MICAL2: variants seen among roughly 807,000 people sequenced by gnomAD.
The protein encoded by MICAL2 is [F-actin]-monooxygenase MICAL2.
Under a neutral mutation model 127.3 loss-of-function variants are expected in MICAL2, and 77 were observed. That is an observed-to-expected ratio of 0.60 (90% CI 0.50 to 0.73). The LOEUF (loss-of-function observed/expected upper bound fraction) is 0.73, where lower values mean the gene tolerates loss of function less well. Among genes scored for constraint, MICAL2 ranks in the 30% least tolerant of loss-of-function variants. MICAL2 has a pLI of 0.00. For synonymous variants in MICAL2, 570 were observed against 551.1 expected (o/e 1.03, Z -0.48); for missense variants, 1,351 against 1,434.4 (o/e 0.94, Z 0.94).
chr11:12,178,263 C>G (rs1247460126), intron 3 of MICAL2, among the ~76,000 whole-genome samples: 1 of 152,132 alleles, frequency 6.6e-6, no homozygotes, highest in African/African-American at 2.4e-5. Flanking sequence ...TGACAAAAAA[C>G]AAAGAACAAA....
chr11:12,232,133 C>A (rs1009338284), intron 15 of MICAL2, among the ~76,000 whole-genome samples: 3 of 152,204 alleles, frequency 2.0e-5, no homozygotes, highest in African/African-American at 7.2e-5. Flanking sequence ...AATGATAGTT[C>A]TTTTCCTTTA....
chr11:12,319,105 C>T (rs1189236921), intron 29 of MICAL2, among the ~76,000 whole-genome samples: 2 of 152,138 alleles, frequency 1.3e-5, no homozygotes, highest in Non-Finnish European at 2.9e-5. Flanking sequence ...GTGATAAAAC[C>T]TTAGGCTTAG....
chr11:12,200,745 G>T (rs925007726), intron 3 of MICAL2, among the ~76,000 whole-genome samples: 3 of 152,210 alleles, frequency 2.0e-5, no homozygotes, highest in Non-Finnish European at 4.4e-5. Flanking sequence ...GGGATTTTAG[G>T]TTTAGCCAAG....
chr11:12,186,805 C>T (rs936889083), intron 3 of MICAL2, among the ~76,000 whole-genome samples: 7 of 152,166 alleles, frequency 4.6e-5, no homozygotes, highest in East Asian at 1.9e-4. Context: ...CAGACATCAG[C>T]GGCAGGGAGG....
At chr11:12,203,056 C>T (rs1854224485) in intron 3 of MICAL2, among the ~76,000 whole-genome samples, 1 of 152,156 alleles carries the variant, frequency 6.6e-6, no homozygotes, top group African/African-American at 2.4e-5. Context: ...GTTTCTTTCA[C>T]TTAGCACAGT....
intron 8 of MICAL2, 153 bp downstream of exon 8, chr11:12,216,472 A>G (rs1442865998): frequency 9.4e-6 from 6 of 640,422 alleles, no homozygotes; most frequent in East Asian, 2.7e-5. Context: ...TTGGTGTTAC[A>G]TGAGTATTGG....
chr11:12,180,384 C>T (rs1437959548), intron 3 of MICAL2, among the ~76,000 whole-genome samples: 1 of 148,188 alleles, frequency 6.7e-6, no homozygotes, highest in East Asian at 2.0e-4. Context: ...CCATGAAGGG[C>T]ATACCACTGG....
At chr11:12,200,882 A>T (rs1860628945) in intron 3 of MICAL2, among the ~76,000 whole-genome samples, 1 of 152,170 alleles carries the variant, frequency 6.6e-6, no homozygotes, top group Admixed American at 6.5e-5. Context: ...GGACAGAAGG[A>T]TGCAGGGGGC....
At chr11:12,194,934 A>T (rs1252492452) in intron 3 of MICAL2, among the ~76,000 whole-genome samples, 1 of 152,218 alleles carries the variant, frequency 6.6e-6, no homozygotes, top group Non-Finnish European at 1.5e-5. Context: ...CAGTAGGAAA[A>T]AAGAGTATGT....
intron 33 of MICAL2, among the ~76,000 whole-genome samples, chr11:12,350,816 G>C (rs1939031599): frequency 6.6e-6 from 1 of 152,150 alleles, no homozygotes; most frequent in Non-Finnish European, 1.5e-5. Flanking sequence ...CCACAGACTG[G>C]ATGGCTTACA....
chr11:12,221,607 C>A (rs759026479), intron 9 of MICAL2, 37 bp from the exon 10 acceptor site: 1 of 1,449,388 alleles, frequency 6.9e-7, no homozygotes, highest in South Asian at 1.2e-5. Flanking sequence ...CGGGAGTCAT[C>A]AGAATCAACT....
chr11:12,329,815 C>T (rs1864394107), intron 32 of MICAL2, among the ~76,000 whole-genome samples: 2 of 144,168 alleles, frequency 1.4e-5, no homozygotes, highest in South Asian at 4.3e-4. Context: ...ATGATAGAAA[C>T]CAAAATTGTA....
chr11:12,325,454 G>T (rs944707045), intron 31 of MICAL2, among the ~76,000 whole-genome samples: 3 of 152,096 alleles, frequency 2.0e-5, no homozygotes, highest in Non-Finnish European at 4.4e-5. Flanking sequence ...GTCTGCTTGG[G>T]CTGCCATAAC....
intron 29 of MICAL2, among the ~76,000 whole-genome samples, chr11:12,315,776 G>A (rs4756832): frequency 0.43 from 65,195 of 151,996 alleles, 16,395 homozygotes; most frequent in Non-Finnish European, 0.57. Context: ...TGTACAAGTC[G>A]CATACTCTTA....
At chr11:12,121,220 G>A (rs1035608121) in intron 1 of MICAL2, among the ~76,000 whole-genome samples, 2 of 152,144 alleles carry the variant, frequency 1.3e-5, no homozygotes, top group South Asian at 2.1e-4. Flanking sequence ...ACCTCGCTGC[G>A]GGCTAAGCTC....
At chr11:12,294,792 A>G, downstream of MICAL2, 3 of 1,527,886 alleles carry the variant, frequency 2.0e-6, no homozygotes, top group Non-Finnish European at 2.6e-6. Context: ...TCCCTGCGCC[A>G]GGCAGCTCCT....
At chr11:12,188,101 T>C (rs1028740864) in intron 3 of MICAL2, among the ~76,000 whole-genome samples, 2 of 152,238 alleles carry the variant, frequency 1.3e-5, no homozygotes, top group Non-Finnish European at 2.9e-5. Context: ...GCTAGGGCAC[T>C]TGAAATGTGG....
At chr11:12,172,105 G>T (rs1856340330) in intron 3 of MICAL2, among the ~76,000 whole-genome samples, 1 of 152,128 alleles carries the variant, frequency 6.6e-6, no homozygotes, top group Non-Finnish European at 1.5e-5. Flanking sequence ...GTAGTCACAA[G>T]GTGGCTGCTG....
chr11:12,304,637 AACACACACACAC>A (rs57280679), intron 29 of MICAL2, among the ~76,000 whole-genome samples: 5,839 of 128,866 alleles, frequency 0.045, 272 homozygotes, highest in Admixed American at 0.12. Context: ...CTCTGTCTCA[AACACACACACAC>A]ACACACACAC....
Sources: allele counts gnomAD v4.1 joint callset (sites outside exome capture counted in the v4.1 genomes callset), GRCh38; gene constraint gnomAD v4.1.1; transcripts MANE v1.5; gene names NCBI Gene and HGNC (gene_info 2026-07-23, HGNC 2026-07-21).